LZTS3: variants seen among roughly 807,000 people sequenced by gnomAD.
LZTS3 encodes leucine zipper putative tumor suppressor 3.
A neutral mutation model predicts 50.9 loss-of-function variants in LZTS3; 16 were observed. The ratio of observed to expected loss-of-function variants is 0.31; its 90% CI spans 0.21 to 0.48. The LOEUF is 0.48. LZTS3 is among the 20% of genes least tolerant of loss of function. LZTS3 has a pLI of 0.99. For synonymous variants in LZTS3, 408 were observed against 410.6 expected (o/e 0.99, Z 0.08); for missense variants, 816 against 931.0 (o/e 0.88, Z 1.61).
In LZTS3 at chr20:3,165,402, C is replaced by CCCCA; in HGVS notation, c.1323+94_1323+95insTGGG. On this transcript the variant is annotated intron_variant, in intron 4 of 4. Transcript: ENST00000337576. The surrounding 1 kb of genome is among the most constrained non-coding windows in gnomAD (Gnocchi z 5.0). ...CCCCTGCTCCTTTCATCCCCCCCCC[C>CCCCA]ATCCCACCGTTATGATAGTGAGGGG... The CCCCA allele has an allele frequency of 3.2e-6, 4 of 1,264,248 alleles. No individual in the cohort carries two copies. The highest frequency in any genetic ancestry group is 4.2e-6 in the Non-Finnish European group (4 of 949,244). The allele number at this position is 1,264,248 out of a possible 1,614,324, so 78.3% of individuals were successfully genotyped here. A position where few individuals can be genotyped will look rare whatever the true frequency, so the allele number is the denominator to read the frequency against.
Position 3,166,255 on chromosome 20 carries a change from C to T in LZTS3, c.565G>A (p.Gly189Arg). Reference protein sequence around the residue: ...CPPQTNGTPEGRQGPGGLKGG... With the variant: ...CPPQTNGTPERRQGPGGLKGG... ...TTGAGGCCACCAGGGCCCTGCCGTC[C>T]CTCAGGAGTCCCATTGGTCTGCGGG... Residue 189 changes from glycine to arginine, a missense_variant, in exon 4 of 5, where the codon GGA becomes AGA. Transcript: ENST00000337576. The T allele has an allele frequency of 6.2e-7, 1 of 1,613,842 alleles. No individual in the cohort carries two copies. Among genetic ancestry groups the T allele is most frequent in the East Asian group, 2.2e-5 (1 of 44,858 alleles).
chr20:3,165,113 G>A lies in LZTS3; in HGVS notation c.1363C>T (p.Gln455Ter). The change falls in exon 5 of 5, where the codon CAG becomes TAG. Residue 455 changes from glutamine (Q) to a stop codon, truncating the protein, a stop_gained. Coordinates refer to ENST00000337576, the MANE Select transcript of LZTS3 (RefSeq NM_001365618.1). LOFTEE classifies it high-confidence loss of function. The surrounding 1 kb of genome is among the most constrained non-coding windows in gnomAD (Gnocchi z 5.0). ...ACATCCGCCTGCGAGTCCTTCAGCT[G>A]CTGCTTCAGGAGGGAGATCTCGCCA... ...KAGEISLLKQ[Q>*]LKDSQADVSQ... 1 of 1,590,726 alleles carries A rather than the reference G, an allele frequency of 6.3e-7. No homozygotes were observed. The highest frequency in any genetic ancestry group is 1.8e-5 in the Admixed American group (1 of 57,112).
chr20:3,167,073 G>T lies in LZTS3; in HGVS notation c.91C>A (p.Pro31Thr). Reference sequence around the variant, plus strand: ...CTGCCCATGGCCAGGCGGGGGTCCGGGGGTCCAAGCTCGGAGGGCCGTGGG... The same window carrying T: ...CTGCCCATGGCCAGGCGGGGGTCCGTGGGTCCAAGCTCGGAGGGCCGTGGG... ...FAPRPSELGP[P>T]DPRLAMGSVG... Residue 31 changes from proline (P) to threonine (T), a missense_variant, in exon 3 of 5, where the codon CCG becomes ACG. This residue lies in a region of LZTS3 where 700 missense variants were observed against 769.4 expected (regional missense o/e 0.91). Transcript: ENST00000337576. 6.4e-7 allele frequency: 1 copy of T among 1,553,404 alleles called. No individual in the cohort carries two copies.
chr20:3,164,294 G>A lies in LZTS3; in HGVS notation c.*160C>T, dbSNP rs2066772157. On this transcript the variant is annotated 3_prime_UTR_variant, in exon 5 of 5. Transcript: ENST00000337576. The stretch of plus-strand genomic sequence containing the variant: ...GCCACGGGGGCAGTGCTGGAGCTAG[G>A]AGGGCAGGTGGGGAGGGAGGAACCT... The A allele has an allele frequency of 1.4e-6, 1 of 697,856 alleles. No individual in the cohort carries two copies. The allele number at this position is 697,856 out of a possible 1,614,324, so 43.2% of individuals were successfully genotyped here. A position where few individuals can be genotyped will look rare whatever the true frequency, so the allele number is the denominator to read the frequency against.
rs1600437798 is a variant in LZTS3, at chr20:3,163,931, A to T, written c.*523T>A. Reference sequence around the variant, plus strand: ...AGCCAAAGGCAGGCCATCTGCTCCCACTTGTCCTGCCAATCTGCCCAGGGA... The same window carrying T: ...AGCCAAAGGCAGGCCATCTGCTCCCTCTTGTCCTGCCAATCTGCCCAGGGA... On this transcript the variant is annotated 3_prime_UTR_variant, in exon 5 of 5. Transcript: ENST00000337576. This position sits in a 1 kb window ranked among gnomAD's most constrained non-coding sequence, Gnocchi z 5.2. The T allele has an allele frequency of 6.5e-6, 1 of 152,894 alleles. No homozygotes were observed. The highest frequency in any genetic ancestry group is 1.5e-5 in the Non-Finnish European group (1 of 68,580). The allele number at this position is 152,894 out of a possible 1,614,324, so 9.5% of individuals were successfully genotyped here.
Position 3,164,692 on chromosome 20 carries a change from C to A in LZTS3, c.1784G>T (p.Gly595Val). Residue 595 changes from glycine to valine, a missense_variant, in exon 5 of 5, where the codon GGT (glycine) becomes GTT (valine). Transcript: ENST00000337576. Reference sequence around the variant, plus strand: ...GCGGCGCTCCTCGGCGAAGCTGGCACCCTGGCGCTCCCGGGCCCGCCGCTC... The same window carrying A: ...GCGGCGCTCCTCGGCGAAGCTGGCAACCTGGCGCTCCCGGGCCCGCCGCTC... ...AAERRARERQGASFAEERRVW... is the reference protein window; with the variant it reads ...AAERRARERQVASFAEERRVW... The A allele has an allele frequency of 6.3e-7, 1 of 1,586,812 alleles. No individual in the cohort carries two copies. The highest frequency in any genetic ancestry group is 2.3e-5 in the East Asian group (1 of 42,592).
Position 3,164,843 on chromosome 20 carries a change from G to A in LZTS3, c.1633C>T (p.Arg545Cys). 6.4e-7 allele frequency: 1 copy of A among 1,552,978 alleles called. No individual in the cohort carries two copies. Among genetic ancestry groups the A allele is most frequent in the East Asian group, 2.3e-5 (1 of 42,586 alleles). The change falls in exon 5 of 5, where the codon CGT becomes TGT. Residue 545 changes from arginine to cysteine, a missense_variant. Arg to Cys is a radical substitution (Grantham distance 180). Coordinates refer to ENST00000337576, the MANE Select transcript of LZTS3 (RefSeq NM_001365618.1). Reference sequence around the variant, plus strand: ...GCGGCAGCGGCCACCCCGGCCTGACGGCGCATCTTAGCCTCGTCGCTCTCG... The same window carrying A: ...GCGGCAGCGGCCACCCCGGCCTGACAGCGCATCTTAGCCTCGTCGCTCTCG... ...TCESDEAKMR[R>C]QAGVAAAASL...
At chr20:3,171,033 G>A (rs889757037) in intron 1 of LZTS3, among the ~76,000 whole-genome samples, 2 of 152,152 alleles carry the variant, frequency 1.3e-5, no homozygotes, top group African/African-American at 4.8e-5. Flanking sequence ...GGGATAGCAA[G>A]GTGACTGCAC....
In LZTS3 at chr20:3,172,626, G is replaced by A. The variant is rs369065383; in HGVS notation, c.-243+829C>T. 5.3e-5 allele frequency among the ~76,000 whole-genome samples: 8 copies of A among 152,314 alleles called. 1 individual carries two copies. In the East Asian group the frequency reaches 9.7e-4, roughly 18 times the overall value. On this transcript the variant is annotated intron_variant, in intron 1 of 4. Transcript: ENST00000337576. ...GGACACCCCAGGGAGATTTCACTCT[G>A]AGGCCTCCCCAGGGCTGGCCTATAG...
intron 2 of LZTS3, 37 bp from the exon 3 acceptor site, chr20:3,167,218 C>T (rs2066842886): frequency 7.0e-7 from 1 of 1,431,362 alleles, no homozygotes; most frequent in African/African-American, 1.4e-5. Flanking sequence ...ATAGGTAAGA[C>T]CCTACTCCTA....
chr20:3,167,445 A>T (rs2066846801), intron 2 of LZTS3: 2 of 1,206,294 alleles, frequency 1.7e-6, no homozygotes, highest in Non-Finnish European at 2.1e-6. Flanking sequence ...AGCTCAGCTC[A>T]GCTCAGCTCA....
At chr20:3,167,291 A>G (rs1338093585) in intron 2 of LZTS3, 110 bp from the exon 3 acceptor site, 2 of 1,391,860 alleles carry the variant, frequency 1.4e-6, no homozygotes, top group Admixed American at 3.0e-5. Context: ...CCTTCCCTAC[A>G]ATGGGTACAA....
chr20:3,166,357 A>C lies in LZTS3; in HGVS notation c.463T>G (p.Ser155Ala). 2 of 1,604,224 alleles carry C rather than the reference A, an allele frequency of 1.2e-6. No homozygotes were observed. The highest frequency in any genetic ancestry group is 1.7e-6 in the Non-Finnish European group (2 of 1,174,874). The change falls in exon 4 of 5, where the codon TCA (serine) becomes GCA (alanine). Residue 155 changes from serine to alanine, a missense_variant. Ser to Ala is a moderately conservative substitution (Grantham distance 99, BLOSUM62 1). This residue lies in a region of LZTS3 where 700 missense variants were observed against 769.4 expected (regional missense o/e 0.91). Coordinates refer to ENST00000337576, the MANE Select transcript of LZTS3 (RefSeq NM_001365618.1). ...LATSGKLDQC[S>A]EPLVRPSAFK... is the part of the protein sequence containing the mutation. ...GCCGACGGCCGAACTAGTGGTTCTG[A>C]GCACTGCAGGAAACGCAGGAGGGGG...
Position 3,167,117 on chromosome 20 carries a change from T to C in LZTS3, c.47A>G (p.Asp16Gly). The C allele has an allele frequency of 2.7e-6, 4 of 1,508,372 alleles. No individual in the cohort carries two copies. The highest frequency in any genetic ancestry group is 2.7e-6 in the Non-Finnish European group (3 of 1,131,468). The allele number at this position is 1,508,372 out of a possible 1,614,324, so 93.4% of individuals were successfully genotyped here. ...TLPVRADPGR[D>G]PLLAFAPRPS... ...CCGTGGGGCAAAGGCCAGGAGAGGATCCCGCCCTGGGTCAGCGCGCACAGG... is the reference window on the plus strand; with the variant it reads ...CCGTGGGGCAAAGGCCAGGAGAGGACCCCGCCCTGGGTCAGCGCGCACAGG... Residue 16 changes from aspartate (D) to glycine (G), a missense_variant, in exon 3 of 5, where the codon GAT becomes GGT. By Grantham distance (94) the Asp-to-Gly change is moderately conservative. This residue lies in a region of LZTS3 where 700 missense variants were observed against 769.4 expected (regional missense o/e 0.91). Coordinates refer to ENST00000337576, the MANE Select transcript of LZTS3 (RefSeq NM_001365618.1).
Position 3,165,671 on chromosome 20 carries a change from C to A in LZTS3, c.1149G>T (p.Gln383His). 1 of 1,586,626 alleles carries A rather than the reference C, an allele frequency of 6.3e-7. No homozygotes were observed. Among genetic ancestry groups the A allele is most frequent in the East Asian group, 2.3e-5 (1 of 44,210 alleles). The change falls in exon 4 of 5, where the codon CAG becomes CAT. Residue 383 changes from glutamine (Q) to histidine (H), a missense_variant. By Grantham distance (24) the Gln-to-His change is conservative. Coordinates refer to ENST00000337576, the MANE Select transcript of LZTS3 (RefSeq NM_001365618.1). This position sits in a 1 kb window ranked among gnomAD's most constrained non-coding sequence, Gnocchi z 5.0. The stretch of plus-strand genomic sequence containing the variant: ...GCAGCTGTAGGCCCTGCTGGGCGCG[C>A]TGGGCACGTCGGGCCACCTGCTGTA... Reference protein sequence around the residue: ...GKLQQVARRAQRAQQGLQLQV... With the variant: ...GKLQQVARRAHRAQQGLQLQV...
Position 3,166,351 on chromosome 20 carries a change from GT to G in LZTS3, c.468del (p.Glu156AspfsTer3), listed in dbSNP as rs1568490604. On this transcript the variant is annotated frameshift_variant, in exon 4 of 5. Coordinates refer to ENST00000337576, the MANE Select transcript of LZTS3 (RefSeq NM_001365618.1). LOFTEE classifies it high-confidence loss of function. ...TTGAAGGCCGACGGCCGAACTAGTGGTTCTGAGCACTGCAGGAAACGCAGGA... is the reference window on the plus strand; with the variant it reads ...TTGAAGGCCGACGGCCGAACTAGTGGTCTGAGCACTGCAGGAAACGCAGGA... ...ATSGKLDQCS[E>X]PLVRPSAFKP... 6.2e-7 allele frequency: 1 copy of G among 1,607,384 alleles called. No individual in the cohort carries two copies.
At chr20:3,170,496 A>AAAAAAAAC (rs1555768563) in intron 1 of LZTS3, among the ~76,000 whole-genome samples, 33 of 149,796 alleles carry the variant, frequency 2.2e-4, no homozygotes, top group African/African-American at 7.6e-4. Flanking sequence ...CAAAAAAAAA[A>AAAAAAAAC]AAAAAAAAAA....
At chr20:3,172,683 G>C (rs745911508) in intron 1 of LZTS3, among the ~76,000 whole-genome samples, 6 of 152,184 alleles carry the variant, frequency 3.9e-5, no homozygotes, top group Non-Finnish European at 8.8e-5. Flanking sequence ...CAGAGTCCTG[G>C]GGGTCTCTGG....
chr20:3,165,027 C>G lies in LZTS3; in HGVS notation c.1449G>C (p.Ser483=). Residue 483 remains serine (S), a synonymous_variant, in exon 5 of 5, where the codon TCG becomes TCC. Coordinates refer to ENST00000337576, the MANE Select transcript of LZTS3 (RefSeq NM_001365618.1). This position sits in a 1 kb window ranked among gnomAD's most constrained non-coding sequence, Gnocchi z 5.0. Reference sequence around the variant, plus strand: ...GCAGCTGCTCCTCCTTCTCCCGCAGCGAAGCCCGGCCCTCCCGCAGCTGCG... The same window carrying G: ...GCAGCTGCTCCTCCTTCTCCCGCAGGGAAGCCCGGCCCTCCCGCAGCTGCG... The part of the protein sequence containing the change: ...LRSQLREGRA[S]LREKEEQLLS... 6.4e-7 allele frequency: 1 copy of G among 1,563,078 alleles called. No individual in the cohort carries two copies. The highest frequency in any genetic ancestry group is 8.7e-7 in the Non-Finnish European group (1 of 1,155,368).
Sources: allele counts gnomAD v4.1 joint callset (sites outside exome capture counted in the v4.1 genomes callset), GRCh38; gene constraint gnomAD v4.1.1; regional missense constraint gnomAD v4.1.1; non-coding constraint Gnocchi (gnomAD v3.1); transcripts MANE v1.5; gene names NCBI Gene and HGNC (gene_info 2026-07-23, HGNC 2026-07-21).